The following ANK3 variants were observed in gnomAD, a reference collection of about 807,000 sequenced individuals.
ANK3 encodes the protein ankyrin 3, also known as ankyrin-3.
ANK3 carries 57 observed loss-of-function variants against 370.9 expected under a neutral mutation model. The ratio of observed to expected loss-of-function variants is 0.15; its 90% confidence interval spans 0.12 to 0.19. The LOEUF (loss-of-function observed/expected upper bound fraction) is 0.19, where lower values mean the gene tolerates loss of function less well. Ranked by LOEUF, ANK3 falls within the 10% of genes least tolerant of loss-of-function variation. The pLI is 1.00. For missense variants in ANK3, 4,439 were observed against 5,302.1 expected, an observed-to-expected ratio of 0.84 and a Z score of 5.06; for synonymous variants, 1,929 against 1,946.3, an observed-to-expected ratio of 0.99 and a Z score of 0.23.
chr10:60,295,728 T>C (rs956700178), intron 1 of ANK3, among the ~76,000 whole-genome samples: 34 of 152,220 alleles, frequency 2.2e-4, no homozygotes, highest in Non-Finnish European at 8.8e-5. Context: ...ACTATTGTTA[T>C]TTACCACATT....
intron 1 of ANK3, among the ~76,000 whole-genome samples, chr10:60,296,610 C>A (rs1012117052): frequency 3.9e-5 from 6 of 152,168 alleles, no homozygotes; most frequent in Admixed American, 1.3e-4. Flanking sequence ...TGCTTAAAAT[C>A]TTAACAAATA....
intron 2 of ANK3, among the ~76,000 whole-genome samples, chr10:60,469,095 ACCACTTTTAG>A (rs1489100039): frequency 5.7e-4 from 8 of 13,972 alleles, no homozygotes; most frequent in South Asian, 3.0e-3. Context: ...ATATATATAT[ACCACTTTTAG>A]TATATATATA....
chr10:60,492,301 C>A (rs532431400), intron 2 of ANK3, among the ~76,000 whole-genome samples: 107 of 152,330 alleles, frequency 7.0e-4, no homozygotes, highest in African/African-American at 2.4e-3. Context: ...ATGATTCCCT[C>A]ATCCTCAGTT....
At chr10:60,572,633 G>T (rs554216519) in intron 2 of ANK3, 1 of 1,480,566 alleles carries the variant, frequency 6.8e-7, no homozygotes. Flanking sequence ...GTCCATTTAC[G>T]GGTGCTCCCC....
chr10:60,086,872 G>A lies in ANK3; in HGVS notation c.3553C>T (p.Pro1185Ser), dbSNP rs778257199. 16 of 1,610,112 alleles carry A rather than the reference G, an allele frequency of 9.9e-6. No homozygotes were observed. The highest frequency in any genetic ancestry group is 1.3e-5 in the Non-Finnish European group (15 of 1,178,798). Residue 1185 changes from proline to serine, a missense_variant, in exon 30 of 44, where the codon CCA (proline) becomes TCA (serine). Physicochemically the swap from Pro to Ser is moderately conservative, Grantham distance 74 (BLOSUM62 -1). Around this residue, in one of 13 missense-constraint regions of ANK3, gnomAD observed 702 missense variants for 941.5 expected, o/e 0.75. Coordinates refer to ENST00000280772, the MANE Select transcript of ANK3 (RefSeq NM_020987.5). ...AGGATCTTTTTCACAATTTCATCTG[G>A]AACAGGCTGGGCCTAGAGACAGAGA... The part of the protein sequence containing the change: ...IRVGLQAQPV[P>S]DEIVKKILGN...
At chr10:60,214,111 A>G (rs2096898103) in intron 8 of ANK3, among the ~76,000 whole-genome samples, 4 of 152,152 alleles carry the variant, frequency 2.6e-5, no homozygotes, top group Admixed American at 2.6e-4. Flanking sequence ...AATATATAAA[A>G]AGTTTTGTGA....
At position 60,056,039 on chromosome 10, in the gene ANK3, G is replaced by A. The variant is rs2079095472; in HGVS notation, c.12687-3C>T. 5.7e-6 allele frequency: 9 copies of A among 1,586,094 alleles called. No homozygotes were observed. In the East Asian group the frequency reaches 2.0e-4, roughly 35 times the overall value. On this transcript the variant is annotated splice_polypyrimidine_tract_variant and splice_region_variant and intron_variant, in intron 41 of 43. Coordinates refer to ENST00000280772, the MANE Select transcript of ANK3 (RefSeq NM_020987.5). Reference sequence around the variant, plus strand: ...TGGAATCTCTACACTGGTCAGGGCTGCAACAGAAAATTTGCAAATTCACAA... The same window carrying A: ...TGGAATCTCTACACTGGTCAGGGCTACAACAGAAAATTTGCAAATTCACAA...
intron 1 of ANK3, among the ~76,000 whole-genome samples, chr10:60,280,947 C>G (rs2098153266): frequency 6.6e-6 from 1 of 152,120 alleles, no homozygotes; most frequent in Non-Finnish European, 1.5e-5. Flanking sequence ...CTTCTTCCAC[C>G]CTAAATTATG....
chr10:60,576,001 G>T (rs549366651), intron 2 of ANK3, among the ~76,000 whole-genome samples: 1 of 152,202 alleles, frequency 6.6e-6, no homozygotes, highest in Admixed American at 6.5e-5. Context: ...CAGTCTAGGG[G>T]TGATTACTTG....
intron 2 of ANK3, among the ~76,000 whole-genome samples, chr10:60,414,914 AT>A (rs2063630033): frequency 6.6e-6 from 1 of 152,184 alleles, no homozygotes; most frequent in Non-Finnish European, 1.5e-5. Flanking sequence ...ATTTGGAGAT[AT>A]TATCAGTATG....
At chr10:60,462,456 G>C (rs977902382) in intron 2 of ANK3, among the ~76,000 whole-genome samples, 1 of 152,022 alleles carries the variant, frequency 6.6e-6, no homozygotes, top group Non-Finnish European at 1.5e-5. Context: ...AAGAGTTTAA[G>C]TATTTACAAT....
At chr10:60,573,012 G>C in intron 2 of ANK3, 1 of 987,322 alleles carries the variant, frequency 1.0e-6, no homozygotes, top group Non-Finnish European at 1.2e-6. Context: ...TAGCAGGCTG[G>C]GAAGCTGAAT....
intron 1 of ANK3, among the ~76,000 whole-genome samples, chr10:60,279,848 G>A (rs1050726907): frequency 6.6e-6 from 1 of 152,152 alleles, no homozygotes; most frequent in African/African-American, 2.4e-5. Context: ...CTTGTGTGAT[G>A]TCAGAATTCC....
chr10:60,677,739 C>T (rs1470311263), intron 1 of ANK3, among the ~76,000 whole-genome samples: 1 of 150,918 alleles, frequency 6.6e-6, no homozygotes, highest in East Asian at 1.9e-4. Flanking sequence ...TTTCTCACAA[C>T]CTCACCTCGA....
intron 1 of ANK3, among the ~76,000 whole-genome samples, chr10:60,285,346 T>C (rs745678680): frequency 1.3e-5 from 2 of 152,108 alleles, no homozygotes; most frequent in Non-Finnish European, 2.9e-5. Flanking sequence ...CACACTGACT[T>C]ATATCCTTAA....
rs564850899 is a variant in ANK3, at chr10:60,604,578, G to A, written c.96+10608C>T. Among the ~76,000 whole-genome samples the A allele has an allele frequency of 3.3e-5, 5 of 152,292 alleles. No individual in the cohort carries two copies. In the South Asian group the frequency reaches 6.2e-4, roughly 19 times the overall value. ...TGCATAGCAACGAATCTAAGCAGCAGTTCTAGCCTGTAAGAAATTTCCATG... is the reference window on the plus strand; with the variant it reads ...TGCATAGCAACGAATCTAAGCAGCAATTCTAGCCTGTAAGAAATTTCCATG... On this transcript the variant is annotated intron_variant, in intron 2 of 43. Transcript: ENST00000373827.
chr10:60,165,323 A>G (rs952661506), intron 23 of ANK3, among the ~76,000 whole-genome samples: 2 of 152,232 alleles, frequency 1.3e-5, no homozygotes, highest in Non-Finnish European at 2.9e-5. Flanking sequence ...GACAGTAGGT[A>G]TATTATTCTA....
intron 7 of ANK3, among the ~76,000 whole-genome samples, chr10:60,247,910 G>A (rs1398969611): frequency 6.6e-6 from 1 of 152,026 alleles, no homozygotes. Flanking sequence ...CAGATGATGT[G>A]CCTGCCTCAG....
At chr10:60,489,511 A>G (rs1230613025) in intron 2 of ANK3, among the ~76,000 whole-genome samples, 1 of 152,158 alleles carries the variant, frequency 6.6e-6, no homozygotes, top group Non-Finnish European at 1.5e-5. Context: ...TGATCATATA[A>G]CTCAAAGAAA....
Sources: gnomAD v4.1 joint callset for allele counts (sites outside exome capture counted in the v4.1 genomes callset) on GRCh38, gnomAD v4.1.1 for gene constraint, gnomAD v4.1.1 regional missense constraint, MANE v1.5 for transcripts, NCBI Gene and HGNC (gene_info 2026-07-23, HGNC 2026-07-21) for gene names.